Variants in RAB7A observed in about 807,000 individuals in gnomAD.
RAB7A encodes the protein RAB7A, member RAS oncogene family.
In RAB7A, 2 loss-of-function variants were observed where a neutral mutation model predicts 24.5. That is an observed-to-expected ratio of 0.08 (90% CI 0.03 to 0.26). RAB7A has a LOEUF of 0.26. Ranked by LOEUF, RAB7A falls within the 10% of genes least tolerant of loss-of-function variation. RAB7A has a pLI of 1.00. For synonymous variants in RAB7A, 100 were observed against 95.9 expected, an observed-to-expected ratio of 1.04 and a Z score of -0.25; for missense variants, 118 against 255.7, an observed-to-expected ratio of 0.46 and a Z score of 3.67.
chr3:128,769,959 T>C (rs2070868694), intron 1 of RAB7A, among the ~76,000 whole-genome samples: 1 of 152,210 alleles, frequency 6.6e-6, no homozygotes, highest in African/African-American at 2.4e-5. Context: ...TCTCTTGATT[T>C]TTTAGAAGGT....
chr3:128,775,424 C>G (rs903474032), intron 1 of RAB7A, among the ~76,000 whole-genome samples: 5 of 152,348 alleles, frequency 3.3e-5, no homozygotes, highest in African/African-American at 1.2e-4. Flanking sequence ...CTCGCCTCTT[C>G]CCCTTCTCTC....
At chr3:128,727,090 A>G (rs188928764) in intron 1 of RAB7A, among the ~76,000 whole-genome samples, 1 of 152,208 alleles carries the variant, frequency 6.6e-6, no homozygotes, top group Non-Finnish European at 1.5e-5. Flanking sequence ...TAGGCTTGAT[A>G]CCTAATGGGG....
At chr3:128,809,965 T>C (rs1332923777) in intron 5 of RAB7A, among the ~76,000 whole-genome samples, 1 of 116,064 alleles carries the variant, frequency 8.6e-6, no homozygotes, top group Non-Finnish European at 1.8e-5. Context: ...TTTTTTTTTT[T>C]TGAGACGGAG....
At chr3:128,772,414 GT>G (rs1028902872) in intron 1 of RAB7A, among the ~76,000 whole-genome samples, 2 of 150,860 alleles carry the variant, frequency 1.3e-5, no homozygotes, top group African/African-American at 4.9e-5. Context: ...CTATTGTCTC[GT>G]TTTTTTTTCT....
intron 1 of RAB7A, among the ~76,000 whole-genome samples, chr3:128,732,038 C>CTT (rs372563051): frequency 7.0e-6 from 1 of 142,342 alleles, no homozygotes; most frequent in African/African-American, 2.6e-5. Context: ...CTTCCACTAC[C>CTT]TTTTTTTTTT....
intron 1 of RAB7A, among the ~76,000 whole-genome samples, chr3:128,741,241 T>C (rs1407190439): frequency 6.6e-6 from 1 of 152,164 alleles, no homozygotes; most frequent in Non-Finnish European, 1.5e-5. Flanking sequence ...TATTCCTGGC[T>C]TGTATCTCTT....
intron 1 of RAB7A, among the ~76,000 whole-genome samples, chr3:128,789,562 A>G (rs1933411024): frequency 6.6e-6 from 1 of 151,570 alleles, no homozygotes; most frequent in African/African-American, 2.4e-5. Context: ...CGAACTCTTG[A>G]CCTCAAGTGA....
intron 1 of RAB7A, among the ~76,000 whole-genome samples, chr3:128,755,617 C>T (rs552501792): frequency 6.6e-6 from 1 of 152,308 alleles, no homozygotes; most frequent in East Asian, 1.9e-4. Context: ...ATCTCAAATT[C>T]ATAACCACCT....
chr3:128,766,548 A>C (rs748189323), intron 1 of RAB7A, among the ~76,000 whole-genome samples: 1 of 152,238 alleles, frequency 6.6e-6, no homozygotes. Context: ...TCTTGGGGGA[A>C]GAGAAAACAG....
At chr3:128,792,166 G>A (rs984385283) in intron 1 of RAB7A, among the ~76,000 whole-genome samples, 5 of 152,212 alleles carry the variant, frequency 3.3e-5, no homozygotes, top group African/African-American at 4.8e-5. Context: ...TTTGTGACAC[G>A]TGTGGGTAGA....
At chr3:128,795,016 G>C (rs1933536026) in intron 1 of RAB7A, among the ~76,000 whole-genome samples, 2 of 152,122 alleles carry the variant, frequency 1.3e-5, no homozygotes, top group Non-Finnish European at 2.9e-5. Context: ...TGATACTGAA[G>C]CAGCGACCTG....
chr3:128,786,131 ATGGGAATTCTCAT>A (rs1267052327), intron 1 of RAB7A, among the ~76,000 whole-genome samples: 2 of 152,194 alleles, frequency 1.3e-5, no homozygotes, highest in Non-Finnish European at 2.9e-5. Flanking sequence ...CATCTGTTAA[ATGGGAATTCTCAT>A]TGTATCCCTA....
chr3:128,732,801 T>A (rs1463583480), intron 1 of RAB7A, among the ~76,000 whole-genome samples: 1 of 152,052 alleles, frequency 6.6e-6, no homozygotes, highest in African/African-American at 2.4e-5. Context: ...CACTCCAGCC[T>A]GGGTGGCAGA....
At chr3:128,767,676 A>G (rs1188502934) in intron 1 of RAB7A, among the ~76,000 whole-genome samples, 1 of 152,196 alleles carries the variant, frequency 6.6e-6, no homozygotes, top group Non-Finnish European at 1.5e-5. Flanking sequence ...GTTTCTGTCT[A>G]ATGTGACTTT....
intron 1 of RAB7A, among the ~76,000 whole-genome samples, chr3:128,787,602 A>G (rs769917689): frequency 7.2e-5 from 11 of 152,164 alleles, no homozygotes; most frequent in Non-Finnish European, 1.5e-4. Flanking sequence ...TGCATTTTAC[A>G]CTGTTGTTTT....
chr3:128,777,214 C>CA (rs1559790146), intron 1 of RAB7A, among the ~76,000 whole-genome samples: 1 of 151,990 alleles, frequency 6.6e-6, no homozygotes, highest in Admixed American at 6.6e-5. Flanking sequence ...TTCTTTGAGA[C>CA]AGGGTCTCAC....
At chr3:128,749,136 A>G (rs2070650418) in intron 1 of RAB7A, 1 of 152,206 alleles carries the variant, frequency 6.6e-6, no homozygotes, top group South Asian at 2.1e-4. Flanking sequence ...TTCTGGTGGC[A>G]ATACTGCACA....
intron 5 of RAB7A, among the ~76,000 whole-genome samples, chr3:128,808,737 G>T (rs1933856730): frequency 6.6e-6 from 1 of 152,184 alleles, no homozygotes; most frequent in South Asian, 2.1e-4. Flanking sequence ...GGTGTGGCAG[G>T]TTTGGGAGGA....
intron 5 of RAB7A, among the ~76,000 whole-genome samples, chr3:128,810,010 G>A (rs1264258789): frequency 1.5e-5 from 2 of 132,162 alleles, no homozygotes; most frequent in Non-Finnish European, 3.1e-5. Context: ...ATGCAATGGC[G>A]TGATCTCGGC....
Sources: allele counts gnomAD v4.1 joint callset (sites outside exome capture counted in the v4.1 genomes callset), GRCh38; gene constraint gnomAD v4.1.1; transcripts MANE v1.5; gene names NCBI Gene and HGNC (gene_info 2026-07-23, HGNC 2026-07-21).